MTMR7: variants seen among roughly 807,000 people sequenced by gnomAD.
MTMR7 encodes myotubularin related protein 7, also known as phosphatidylinositol-3-phosphate phosphatase MTMR7.
MTMR7 carries 76 observed loss-of-function variants against 81.2 expected under a neutral mutation model. The ratio of observed to expected loss-of-function variants is 0.94; its 90% confidence interval spans 0.78 to 1.13. The LOEUF (loss-of-function observed/expected upper bound fraction) is 1.13. MTMR7 is among the 50% of genes most tolerant of loss of function. The probability of loss-of-function intolerance (pLI) is 0.00; values close to 1 mark genes in which losing one functional copy is unlikely to be tolerated. For missense variants in MTMR7, 1,044 were observed against 820.0 expected, an observed-to-expected ratio of 1.27 and a Z score of -3.34; for synonymous variants, 372 against 289.8, an observed-to-expected ratio of 1.28 and a Z score of -2.88.
At chr8:17,335,216 C>T (rs1253884683) in intron 6 of MTMR7, among the ~76,000 whole-genome samples, 3 of 152,182 alleles carry the variant, frequency 2.0e-5, no homozygotes, top group African/African-American at 4.8e-5. Flanking sequence ...ACGGAGAACG[C>T]AGGCTCCACG....
chr8:17,402,096 A>AT (rs1028001131), intron 1 of MTMR7, among the ~76,000 whole-genome samples: 1 of 152,072 alleles, frequency 6.6e-6, no homozygotes, highest in African/African-American at 2.4e-5. Context: ...ATTTTTAAAA[A>AT]TTTTTTTAAC....
chr8:17,315,492 A>G (rs1292679569), intron 7 of MTMR7, among the ~76,000 whole-genome samples: 1 of 152,222 alleles, frequency 6.6e-6, no homozygotes, highest in Non-Finnish European at 1.5e-5. Flanking sequence ...GTGCCAATGT[A>G]GGTGCACTGA....
At chr8:17,364,950 C>A (rs1357123758) in intron 3 of MTMR7, among the ~76,000 whole-genome samples, 1 of 152,326 alleles carries the variant, frequency 6.6e-6, no homozygotes, top group South Asian at 2.1e-4. Context: ...ATTGTGGAAT[C>A]ATACGATAAT....
At chr8:17,301,894 C>T in intron 13 of MTMR7, 2 of 440,460 alleles carry the variant, frequency 4.5e-6, no homozygotes, top group Non-Finnish European at 7.9e-6. Context: ...ATAACAGTAA[C>T]CAAACAAGTT....
intron 1 of MTMR7, among the ~76,000 whole-genome samples, chr8:17,405,833 TATACAC>T (rs1230092177): frequency 1.3e-5 from 1 of 78,890 alleles, no homozygotes; most frequent in African/African-American, 3.9e-5. Flanking sequence ...TCCCCAAAAC[TATACAC>T]ACACACACAC....
At chr8:17,338,727 CTA>C (rs1252328284) in intron 6 of MTMR7, 1 of 125,618 alleles carries the variant, frequency 8.0e-6, no homozygotes, top group African/African-American at 4.0e-5. Context: ...AGCAAAGGAG[CTA>C]TTTTTTTTTT....
intron 1 of MTMR7, among the ~76,000 whole-genome samples, chr8:17,394,950 G>C (rs1465957567): frequency 6.6e-6 from 1 of 152,070 alleles, no homozygotes; most frequent in East Asian, 1.9e-4. Context: ...ATACTTTAAA[G>C]CATTTTAAGC....
rs1391282101 is a variant in MTMR7, at chr8:17,373,167, G to A, written c.98C>T (p.Thr33Ile). 6.2e-7 allele frequency: 1 copy of A among 1,613,714 alleles called. No individual in the cohort carries two copies. Among genetic ancestry groups the A allele is most frequent in the South Asian group, 1.1e-5 (1 of 91,050 alleles). ...AALGTLYLTA[T>I]HVIFVENSPD... ...TGAATTTTCCACGAATATGACATGG[G>A]TAGCCGTCAAATACAAAGTACCTAG... Residue 33 changes from threonine to isoleucine, a missense_variant, in exon 2 of 14, where the codon ACC becomes ATC. Thr to Ile is a moderately conservative substitution (Grantham distance 89). Transcript: ENST00000180173.
At chr8:17,323,578 G>A (rs1019732678) in intron 7 of MTMR7, among the ~76,000 whole-genome samples, 2 of 152,034 alleles carry the variant, frequency 1.3e-5, no homozygotes, top group Non-Finnish European at 2.9e-5. Flanking sequence ...CAGGAATCCC[G>A]GAAGACTGAG....
chr8:17,370,342 AAAACCCC>A (rs1820379720), intron 3 of MTMR7, among the ~76,000 whole-genome samples: 1 of 151,960 alleles, frequency 6.6e-6, no homozygotes, highest in Non-Finnish European at 1.5e-5. Context: ...CCAACATGGC[AAAACCCC>A]ACCTCTACTA....
chr8:17,302,752 A>C (rs1230204501), intron 12 of MTMR7, among the ~76,000 whole-genome samples: 1 of 108,840 alleles, frequency 9.2e-6, no homozygotes, highest in Non-Finnish European at 1.7e-5. Flanking sequence ...CGCTCTTGTC[A>C]CCCAAACCGA....
At position 17,331,261 on chromosome 8, in the gene MTMR7, C is replaced by A. The variant is rs1400132932; in HGVS notation, c.754G>T (p.Ala252Ser). The change falls in exon 7 of 14, where the codon GCT (alanine) becomes TCT (serine). Residue 252 changes from alanine to serine, a missense_variant. By Grantham distance (99) the Ala-to-Ser change is moderately conservative. Coordinates refer to ENST00000180173, the MANE Select transcript of MTMR7 (RefSeq NM_004686.5). ...TCATTCTCATAGCCTTTCCCTGCAG[C>A]ACGATTTGCCATTGCATTAAGCTGC... ...RPKLNAMANR[A>S]AGKGYENEDN... 1.2e-6 allele frequency: 2 copies of A among 1,608,564 alleles called. No individual in the cohort carries two copies. The highest frequency in any genetic ancestry group is 1.7e-6 in the Non-Finnish European group (2 of 1,178,406).
At chr8:17,386,552 T>A (rs767477537) in intron 1 of MTMR7, among the ~76,000 whole-genome samples, 5 of 152,164 alleles carry the variant, frequency 3.3e-5, no homozygotes, top group Non-Finnish European at 7.3e-5. Flanking sequence ...TAGGGCTGGC[T>A]TCAGAAGGGG....
intron 7 of MTMR7, among the ~76,000 whole-genome samples, chr8:17,328,272 G>T (rs1221977088): frequency 6.6e-6 from 1 of 152,130 alleles, no homozygotes; most frequent in Non-Finnish European, 1.5e-5. Context: ...GTGGAGAGAT[G>T]CAAGTAACTC....
rs759903186 is a variant in MTMR7 at position 17,302,299 on chromosome 8, C to A, written c.1494-19G>T. The A allele has an allele frequency of 6.2e-7, 1 of 1,610,930 alleles. No individual in the cohort carries two copies. Among genetic ancestry groups the A allele is most frequent in the Non-Finnish European group, 8.5e-7 (1 of 1,178,676 alleles). The stretch of plus-strand genomic sequence containing the variant: ...CCAAAACCTGGAAAGGATGGCAAAG[C>A]GTCGTGATACCACCTTATCACAGTC... On this transcript the variant is annotated intron_variant, in intron 12 of 13. Transcript: ENST00000180173.
At chr8:17,390,649 A>C (rs1216719307) in intron 1 of MTMR7, among the ~76,000 whole-genome samples, 2 of 151,848 alleles carry the variant, frequency 1.3e-5, no homozygotes, top group Admixed American at 6.6e-5. Context: ...TAAAGGAAAG[A>C]GGTTTAATTG....
intron 4 of MTMR7, among the ~76,000 whole-genome samples, chr8:17,353,745 T>G (rs915186850): frequency 6.6e-6 from 1 of 152,222 alleles, no homozygotes; most frequent in Admixed American, 6.5e-5. Context: ...AGTCAGTTAA[T>G]CACTTTGCCA....
chr8:17,391,576 T>C (rs1821110416), intron 1 of MTMR7, among the ~76,000 whole-genome samples: 1 of 152,160 alleles, frequency 6.6e-6, no homozygotes, highest in African/African-American at 2.4e-5. Flanking sequence ...TCTTTAAATG[T>C]ATCCGTTTAG....
At chr8:17,362,359 C>T (rs546594522) in intron 3 of MTMR7, among the ~76,000 whole-genome samples, 1 of 152,336 alleles carries the variant, frequency 6.6e-6, no homozygotes, top group South Asian at 2.1e-4. Flanking sequence ...TGGCTACCAC[C>T]TTGGACAGTG....
Sources: gnomAD v4.1 joint callset for allele counts (sites outside exome capture counted in the v4.1 genomes callset) on GRCh38, gnomAD v4.1.1 for gene constraint, MANE v1.5 for transcripts, NCBI Gene and HGNC (gene_info 2026-07-23, HGNC 2026-07-21) for gene names.